The following AAK1 variants were observed in gnomAD, a reference collection of about 807,000 sequenced individuals.
AAK1 encodes AP2 associated kinase 1.
AAK1 carries 37 observed loss-of-function variants against 116.0 expected under a neutral mutation model. That is an observed-to-expected ratio of 0.32 (90% CI 0.25 to 0.42). The LOEUF (loss-of-function observed/expected upper bound fraction) is 0.42. Among genes scored for constraint, AAK1 ranks in the 10% least tolerant of loss-of-function variants. The probability of loss-of-function intolerance (pLI) is 1.00; values close to 1 mark genes in which losing one functional copy is unlikely to be tolerated. For missense variants in AAK1, 919 were observed against 1,170.6 expected (o/e 0.79, Z 3.14); for synonymous variants, 458 against 439.9 (o/e 1.04, Z -0.51).
chr2:69,516,756 G>T (rs1348163745), intron 12 of AAK1: 1 of 152,198 alleles, frequency 6.6e-6, no homozygotes, highest in African/African-American at 2.4e-5. Context: ...AATATGCCAG[G>T]CATGGTGGTG....
chr2:69,598,055 C>G lies in AAK1; in HGVS notation c.164-41077G>C, dbSNP rs572525035. On this transcript the variant is annotated intron_variant, in intron 2 of 21. Coordinates refer to ENST00000409085, the MANE Select transcript of AAK1 (RefSeq NM_014911.5). ...GTTAGCACTGTGCTTAGAGGGTGAA[C>G]ACCTTCTTTATGGTGACATAATGCA... The G allele has an allele frequency of 5.3e-5, 28 of 531,978 alleles. No homozygotes were observed. In the African/African-American group the frequency reaches 5.5e-4, roughly 11 times the overall value. The allele number at this position is 531,978 out of a possible 1,614,324, so 33.0% of individuals were successfully genotyped here. A position where few individuals can be genotyped will look rare whatever the true frequency, so the allele number is the denominator to read the frequency against.
chr2:69,482,276 C>T (rs1336342612), intron 18 of AAK1: 9 of 288,206 alleles, frequency 3.1e-5, no homozygotes, highest in South Asian at 5.8e-5. Flanking sequence ...TGCTTGAACC[C>T]GGGAGATGGA....
rs1674610135 is a variant in AAK1 at position 69,469,645 on chromosome 2, G to A, written c.*6224C>T. Reference sequence around the variant, plus strand: ...TGCCTGTTGTACCTCAGGGGCTAAAGCCCAGGGCCTGGCTTCATAGTCTGC... The same window carrying A: ...TGCCTGTTGTACCTCAGGGGCTAAAACCCAGGGCCTGGCTTCATAGTCTGC... On this transcript the variant is annotated 3_prime_UTR_variant, in exon 22 of 22. Transcript: ENST00000409085. 1.0e-6 allele frequency: 1 copy of A among 985,348 alleles called. No homozygotes were observed. The highest frequency in any genetic ancestry group is 1.1e-4 in the East Asian group (1 of 8,830). 61.0% of individuals were successfully genotyped at this position (985,348 alleles called of 1,614,324 possible).
chr2:69,636,679 T>G lies in AAK1; in HGVS notation c.163+6199A>C, dbSNP rs141889788. On this transcript the variant is annotated intron_variant, in intron 2 of 21. Coordinates refer to ENST00000409085, the MANE Select transcript of AAK1 (RefSeq NM_014911.5). ...GGCTAGTGCATCTGATGAACTGCTA[T>G]TTTAGATAATTTATTTTTTCTTTTT... Among the ~76,000 whole-genome samples, 818 of 152,004 alleles carry G rather than the reference T, an allele frequency of 5.4e-3. 9 individuals carry two copies. The highest frequency in any genetic ancestry group is 0.019 in the African/African-American group (777 of 41,454).
Position 69,609,727 on chromosome 2 carries a change from A to ACT in AAK1, c.163+33149_163+33150dup, listed in dbSNP as rs550571403. On this transcript the variant is annotated intron_variant, in intron 2 of 21. Coordinates refer to ENST00000409085, the MANE Select transcript of AAK1 (RefSeq NM_014911.5). Reference sequence around the variant, plus strand: ...CTAAACCCACACGAAATCTCAAGGGACTCTGAATAACCAAAACAAATTAGA... The same window carrying ACT: ...CTAAACCCACACGAAATCTCAAGGGACTCTCTGAATAACCAAAACAAATTAGA... 1.5e-3 allele frequency among the ~76,000 whole-genome samples: 223 copies of ACT among 151,900 alleles called. 1 individual carries two copies. The highest frequency in any genetic ancestry group is 4.8e-3 in the African/African-American group (199 of 41,418).
chr2:69,506,868 C>CTG (rs10531990), intron 15 of AAK1, among the ~76,000 whole-genome samples: 5,289 of 149,316 alleles, frequency 0.035, 103 homozygotes, highest in African/African-American at 0.059. Flanking sequence ...GTGCATGTGC[C>CTG]TGTGTGTGTG....
rs143645503 is a variant in AAK1, at chr2:69,574,974, C to T, written c.164-17996G>A. ...CTGCACTCCAGCCTGGGTGACAGGG[C>T]GAAATTCTGTCTTTACAAATAAAAA... is the stretch of plus-strand genomic sequence containing the variant. On this transcript the variant is annotated intron_variant, in intron 2 of 21. Coordinates refer to ENST00000409085, the MANE Select transcript of AAK1 (RefSeq NM_014911.5). Among the ~76,000 whole-genome samples, 881 of 144,464 alleles carry T rather than the reference C, an allele frequency of 6.1e-3. 16 individuals carry two copies. Among genetic ancestry groups the T allele is most frequent in the East Asian group, 0.011 (57 of 4,962 alleles). 94.8% of individuals were successfully genotyped at this position (144,464 alleles called of 152,430 possible).
rs937765939 is a variant in AAK1 at position 69,549,482 on chromosome 2, G to A, written c.283-4938C>T. Among the ~76,000 whole-genome samples, 3 of 152,294 alleles carry A rather than the reference G, an allele frequency of 2.0e-5. No individual in the cohort carries two copies. In the South Asian group the frequency reaches 6.2e-4, roughly 32 times the overall value. The stretch of plus-strand genomic sequence containing the variant: ...CCTCTTTCTCTGACATGGTTTTTAA[G>A]ACCATTTTGGCTGCTCCTACATTTA... On this transcript the variant is annotated intron_variant, in intron 3 of 21. Transcript: ENST00000409085.
rs367711211 is a variant in AAK1 at position 69,542,567 on chromosome 2, G to A, written c.490C>T (p.Arg164Cys). The A allele has an allele frequency of 4.3e-5, 70 of 1,613,824 alleles. No individual in the cohort carries two copies. The highest frequency in any genetic ancestry group is 4.5e-5 in the East Asian group (2 of 44,888). The part of the protein sequence containing the change: ...IFCDTCEAVA[R>C]LHQCKTPIIH... ...ATAGGAGTTTTGCACTGATGCAGGCGGGCAACAGCTTCACAGGTATCACAA... is the reference window on the plus strand; with the variant it reads ...ATAGGAGTTTTGCACTGATGCAGGCAGGCAACAGCTTCACAGGTATCACAA... The change falls in exon 5 of 22, where the codon CGC becomes TGC. Residue 164 changes from arginine to cysteine, a missense_variant. Arg to Cys is a radical substitution (Grantham distance 180). Around this residue, in one of 4 missense-constraint regions of AAK1, gnomAD observed 317 missense variants for 490.4 expected, o/e 0.65. Transcript: ENST00000409085.
chr2:69,626,057 C>T (rs746229250), intron 2 of AAK1, among the ~76,000 whole-genome samples: 4 of 151,992 alleles, frequency 2.6e-5, no homozygotes, highest in Non-Finnish European at 4.4e-5. Context: ...AATGAAGTAC[C>T]CTTTCTCCTG....
chr2:69,573,876 G>A (rs1672189593), intron 2 of AAK1, among the ~76,000 whole-genome samples: 1 of 152,060 alleles, frequency 6.6e-6, no homozygotes, highest in Non-Finnish European at 1.5e-5. Context: ...GCGGGTGCTT[G>A]TAATCTCAGC....
At chr2:69,539,458 C>G (rs527731273) in intron 5 of AAK1, among the ~76,000 whole-genome samples, 38 of 152,092 alleles carry the variant, frequency 2.5e-4, no homozygotes, top group Admixed American at 3.9e-4. Flanking sequence ...ATCATAAGAG[C>G]GGTGCCCACC....
intron 17 of AAK1, among the ~76,000 whole-genome samples, chr2:69,487,159 C>A (rs1558901297): frequency 6.6e-6 from 1 of 152,144 alleles, no homozygotes; most frequent in African/African-American, 2.4e-5. Flanking sequence ...GAGGTCACAT[C>A]TAAAGCTATT....
In AAK1 at chr2:69,468,859, GTTT is replaced by G; in HGVS notation, c.*7007_*7009del. 1.0e-6 allele frequency: 1 copy of G among 985,376 alleles called. No homozygotes were observed. Among genetic ancestry groups the G allele is most frequent in the South Asian group, 4.7e-5 (1 of 21,280 alleles). The allele number at this position is 985,376 out of a possible 1,614,324, so 61.0% of individuals were successfully genotyped here. The stretch of plus-strand genomic sequence containing the variant: ...ATCAAAATTATTTGTTAAAAAGTGG[GTTT>G]TTGGTCGAGAACCCATTTGGAAAAC... On this transcript the variant is annotated 3_prime_UTR_variant, in exon 22 of 22. Coordinates refer to ENST00000409085, the MANE Select transcript of AAK1 (RefSeq NM_014911.5).
At chr2:69,506,656 AC>A (rs1474639681) in intron 15 of AAK1, among the ~76,000 whole-genome samples, 1 of 152,136 alleles carries the variant, frequency 6.6e-6, no homozygotes, top group African/African-American at 2.4e-5. Context: ...GAGCCACCAC[AC>A]CTGGATTGGA....
intron 2 of AAK1, among the ~76,000 whole-genome samples, chr2:69,587,622 T>TAGCTGG (rs1218330051): frequency 1.3e-4 from 20 of 151,966 alleles, no homozygotes; most frequent in African/African-American, 4.8e-4. Context: ...CATGCCACCA[T>TAGCTGG]GCCCAGCTAA....
At chr2:69,614,369 A>C (rs1053005516) in intron 2 of AAK1, among the ~76,000 whole-genome samples, 2 of 152,142 alleles carry the variant, frequency 1.3e-5, no homozygotes, top group African/African-American at 2.4e-5. Flanking sequence ...TGGAAGGAGG[A>C]GTCTAGTAAA....
At chr2:69,601,520 A>C (rs775716534) in intron 2 of AAK1, among the ~76,000 whole-genome samples, 28 of 152,250 alleles carry the variant, frequency 1.8e-4, no homozygotes, top group Non-Finnish European at 1.2e-4. Flanking sequence ...ACTTATGACC[A>C]GAATAAACTG....
intron 2 of AAK1, among the ~76,000 whole-genome samples, chr2:69,604,531 G>C (rs1203566203): frequency 6.6e-6 from 1 of 152,078 alleles, no homozygotes; most frequent in Non-Finnish European, 1.5e-5. Flanking sequence ...AGTATCAGTG[G>C]ACAAAATCCA....
Sources: gnomAD v4.1 joint callset for allele counts (sites outside exome capture counted in the v4.1 genomes callset) on GRCh38, gnomAD v4.1.1 for gene constraint, gnomAD v4.1.1 regional missense constraint, MANE v1.5 for transcripts, NCBI Gene and HGNC (gene_info 2026-07-23, HGNC 2026-07-21) for gene names.